Variants in C10orf90 observed in about 807,000 individuals in gnomAD.
The protein encoded by C10orf90 is chromosome 10 open reading frame 90, also known as (E2-independent) E3 ubiquitin-conjugating enzyme FATS.
C10orf90 carries 56 observed loss-of-function variants against 62.5 expected under a neutral mutation model. That is an observed-to-expected ratio of 0.90 (90% CI 0.72 to 1.12). C10orf90 has a LOEUF of 1.12. C10orf90 is among the 50% of genes most tolerant of loss of function. C10orf90 has a pLI of 0.00. For missense variants in C10orf90, 970 were observed against 880.4 expected (o/e 1.10, Z -1.29); for synonymous variants, 386 against 340.4 (o/e 1.13, Z -1.47).
intron 6 of C10orf90, among the ~76,000 whole-genome samples, chr10:126,461,002 A>G (rs1180025140): frequency 1.3e-5 from 2 of 152,118 alleles, no homozygotes; most frequent in Admixed American, 6.5e-5. Flanking sequence ...ACCTTGGCCA[A>G]CTTCACCTCT....
At chr10:126,579,657 C>G (rs1243339787) in intron 2 of C10orf90, among the ~76,000 whole-genome samples, 1 of 151,322 alleles carries the variant, frequency 6.6e-6, no homozygotes, top group African/African-American at 2.4e-5. Context: ...AGAGAAAAGA[C>G]AAAAAACAAC....
chr10:126,470,894 C>A (rs1448124974), intron 4 of C10orf90, among the ~76,000 whole-genome samples: 1 of 152,050 alleles, frequency 6.6e-6, no homozygotes, highest in Non-Finnish European at 1.5e-5. Context: ...AAGGCTTCAA[C>A]TTTTGTCTGC....
intron 2 of C10orf90, among the ~76,000 whole-genome samples, chr10:126,546,210 A>T (rs1359449820): frequency 6.6e-6 from 1 of 152,170 alleles, no homozygotes; most frequent in Non-Finnish European, 1.5e-5. Context: ...CTCCAGCCAA[A>T]CCCCACAGAA....
intron 2 of C10orf90, among the ~76,000 whole-genome samples, chr10:126,537,368 C>T (rs1263223985): frequency 1.3e-5 from 2 of 152,184 alleles, no homozygotes; most frequent in African/African-American, 4.8e-5. Context: ...TTATGGCCTT[C>T]CTAGAAAATG....
chr10:126,632,717 C>G (rs527784202), intron 2 of C10orf90, among the ~76,000 whole-genome samples: 11 of 152,204 alleles, frequency 7.2e-5, no homozygotes, highest in African/African-American at 2.6e-4. Flanking sequence ...GAGGTAAGGT[C>G]TGTATTTCCA....
At chr10:126,591,430 A>T (rs1844977082) in intron 2 of C10orf90, among the ~76,000 whole-genome samples, 1 of 152,234 alleles carries the variant, frequency 6.6e-6, no homozygotes, top group African/African-American at 2.4e-5. Flanking sequence ...ACATAAACAG[A>T]TCTAAAGACA....
intron 2 of C10orf90, among the ~76,000 whole-genome samples, chr10:126,627,372 A>G (rs112402234): frequency 5.9e-5 from 9 of 152,206 alleles, no homozygotes; most frequent in East Asian, 1.9e-4. Context: ...AACATGTCTC[A>G]TGAATGATTA....
chr10:126,492,378 A>G (rs942377714), intron 4 of C10orf90, among the ~76,000 whole-genome samples: 2 of 152,240 alleles, frequency 1.3e-5, no homozygotes, highest in Non-Finnish European at 2.9e-5. Flanking sequence ...ACCCAGGTCA[A>G]GAAACTCTGT....
intron 2 of C10orf90, among the ~76,000 whole-genome samples, chr10:126,629,911 A>G (rs1383644437): frequency 1.3e-5 from 2 of 152,222 alleles, no homozygotes; most frequent in Admixed American, 6.5e-5. Flanking sequence ...CCAGACCCCA[A>G]TGATCATCTG....
intron 2 of C10orf90, among the ~76,000 whole-genome samples, chr10:126,549,823 T>A: frequency 6.6e-6 from 1 of 151,678 alleles, no homozygotes; most frequent in Non-Finnish European, 1.5e-5. Context: ...TGCATCCATA[T>A]CATGGGACGC....
intron 1 of C10orf90, among the ~76,000 whole-genome samples, chr10:126,664,910 T>C (rs1178708491): frequency 6.6e-6 from 1 of 152,192 alleles, no homozygotes; most frequent in Non-Finnish European, 1.5e-5. Context: ...GCTGGAAGAA[T>C]ATGGCGACAG....
intron 2 of C10orf90, among the ~76,000 whole-genome samples, chr10:126,567,023 G>T (rs1202840163): frequency 1.3e-5 from 2 of 152,152 alleles, no homozygotes; most frequent in African/African-American, 4.8e-5. Flanking sequence ...GGTGGCCCTG[G>T]GTGGGCCATT....
chr10:126,433,412 G>C (rs1590884098), intron 7 of C10orf90, among the ~76,000 whole-genome samples: 2 of 152,272 alleles, frequency 1.3e-5, no homozygotes, highest in East Asian at 3.9e-4. Context: ...ACAGGAGACA[G>C]CTGAGCTGGG....
chr10:126,581,891 G>A (rs559618445), intron 2 of C10orf90, among the ~76,000 whole-genome samples: 2 of 152,286 alleles, frequency 1.3e-5, no homozygotes, highest in African/African-American at 2.4e-5. Flanking sequence ...ACCTGGGGCC[G>A]CCTTACTGCT....
chr10:126,576,609 C>A (rs916944770), intron 2 of C10orf90, among the ~76,000 whole-genome samples: 2 of 150,740 alleles, frequency 1.3e-5, no homozygotes, highest in Non-Finnish European at 3.0e-5. Flanking sequence ...ATTGAAAAGA[C>A]ATCTGCACCC....
intron 2 of C10orf90, among the ~76,000 whole-genome samples, chr10:126,532,672 C>T (rs779199032): frequency 6.4e-4 from 96 of 150,440 alleles, no homozygotes; most frequent in Non-Finnish European, 1.2e-3. Flanking sequence ...CCCGTCTCTA[C>T]TAAAAATACA....
chr10:126,491,930 C>T lies in C10orf90; in HGVS notation c.1534+12027G>A, dbSNP rs565916761. 2.2e-4 allele frequency among the ~76,000 whole-genome samples: 33 copies of T among 152,270 alleles called. 1 individual carries two copies. The highest frequency in any genetic ancestry group is 6.5e-4 in the African/African-American group (27 of 41,564). ...TAAATAAAAGTACAAGACAGGTATG[C>T]AGGTTACAGAAGTCCTTTCTAAGCC... On this transcript the variant is annotated intron_variant, in intron 4 of 9. Coordinates refer to ENST00000488181, the MANE Select transcript of C10orf90 (RefSeq NM_001350921.2).
intron 4 of C10orf90, among the ~76,000 whole-genome samples, chr10:126,477,908 A>G (rs922273589): frequency 6.6e-6 from 1 of 152,146 alleles, no homozygotes; most frequent in Non-Finnish European, 1.5e-5. Context: ...GTTCCCATCA[A>G]TCTGTTGGAG....
intron 3 of C10orf90, among the ~76,000 whole-genome samples, chr10:126,505,744 C>T (rs1467859912): frequency 6.6e-6 from 1 of 152,120 alleles, no homozygotes; most frequent in Non-Finnish European, 1.5e-5. Context: ...CACCTGAGGT[C>T]GTGAGTTTGA....
Sources: allele counts gnomAD v4.1 joint callset (sites outside exome capture counted in the v4.1 genomes callset), GRCh38; gene constraint gnomAD v4.1.1; transcripts MANE v1.5; gene names NCBI Gene and HGNC (gene_info 2026-07-23, HGNC 2026-07-21).